Variants in HMGXB4 observed in about 807,000 individuals in gnomAD.
The protein encoded by HMGXB4 is HMG domain-containing protein 4.
Under a neutral mutation model 63.9 loss-of-function variants are expected in HMGXB4, and 27 were observed. The ratio of observed to expected loss-of-function variants is 0.42; its 90% CI spans 0.31 to 0.58. The LOEUF (loss-of-function observed/expected upper bound fraction) is 0.58, where lower values mean the gene tolerates loss of function less well. HMGXB4 is among the 20% of genes least tolerant of loss of function. The pLI is 0.13. For missense variants in HMGXB4, 624 were observed against 700.7 expected (o/e 0.89, Z 1.24); for synonymous variants, 264 against 265.3 (o/e 0.99, Z 0.05).
intron 1 of HMGXB4, 163 bp from the exon 2 acceptor site, chr22:35,262,160 C>A (rs1203983580): frequency 3.6e-6 from 2 of 551,798 alleles, no homozygotes; most frequent in Non-Finnish European, 6.5e-6. Flanking sequence ...CCTGCAGTAT[C>A]AACCCCACTG....
At chr22:35,245,430 T>C in the HMGXB4 span, among the ~76,000 whole-genome samples, 1 of 151,572 alleles carries the variant, frequency 6.6e-6, no homozygotes, top group Non-Finnish European at 1.5e-5. Flanking sequence ...CTCTTAAGAA[T>C]TTTTTTCTTT....
At chr22:35,293,259 T>A in intron 10 of HMGXB4, 145 bp downstream of exon 10, 1 of 916,272 alleles carries the variant, frequency 1.1e-6, no homozygotes, top group African/African-American at 1.6e-5. Context: ...TGCTATATTA[T>A]CAAATGCATG....
chr22:35,268,585 C>T (rs970444840), intron 5 of HMGXB4, among the ~76,000 whole-genome samples: 3 of 152,174 alleles, frequency 2.0e-5, no homozygotes, highest in Non-Finnish European at 4.4e-5. Flanking sequence ...TTTTGGTAGA[C>T]TCTAAGCTCC....
upstream of HMGXB4, among the ~76,000 whole-genome samples, chr22:35,255,734 T>C (rs1322721866): frequency 3.9e-5 from 6 of 152,246 alleles, no homozygotes; most frequent in Non-Finnish European, 8.8e-5. Context: ...TCCCCTCTTC[T>C]GGGGAAACAC....
At chr22:35,251,022 G>A in the HMGXB4 span, among the ~76,000 whole-genome samples, 4 of 152,058 alleles carry the variant, frequency 2.6e-5, no homozygotes, top group Admixed American at 6.5e-5. Flanking sequence ...AGACAATGGG[G>A]GATGGACTGG....
chr22:35,287,279 C>A, intron 7 of HMGXB4, 68 bp from the exon 8 acceptor site: 3 of 1,255,068 alleles, frequency 2.4e-6, no homozygotes. Context: ...TTTGTTCTTT[C>A]ATGACTGCTT....
chr22:35,259,991 G>A (rs1922739372), intron 1 of HMGXB4, among the ~76,000 whole-genome samples: 1 of 152,152 alleles, frequency 6.6e-6, no homozygotes, highest in Admixed American at 6.5e-5. Context: ...TTTTAAAGCA[G>A]CCAGTAACGA....
chr22:35,262,682 T>C (rs544954708), intron 2 of HMGXB4: 1 of 542,366 alleles, frequency 1.8e-6, no homozygotes, highest in South Asian at 2.2e-5. Context: ...CTCTTGGTCC[T>C]TGCCAGCTCC....
intron 5 of HMGXB4, among the ~76,000 whole-genome samples, chr22:35,265,872 CTCCTCCCAGGT>C (rs1923212215): frequency 6.6e-6 from 1 of 151,500 alleles, no homozygotes. Context: ...CTGCAACCTC[CTCCTCCCAGGT>C]TCAAGCCTCA....
intron 5 of HMGXB4, among the ~76,000 whole-genome samples, chr22:35,268,304 C>T (rs1027031322): frequency 2.0e-5 from 3 of 152,146 alleles, no homozygotes; most frequent in Non-Finnish European, 2.9e-5. Context: ...TTTTACATTT[C>T]CCCCTTCCCT....
At chr22:35,248,401 CT>C in the HMGXB4 span, among the ~76,000 whole-genome samples, 916 of 102,938 alleles carry the variant, frequency 8.9e-3, 4 homozygotes, top group African/African-American at 0.029. Context: ...GAGGTCGGGA[CT>C]TTTTTTTTTT....
intron 2 of HMGXB4, 170 bp from the exon 3 acceptor site, chr22:35,262,908 C>T: frequency 1.5e-6 from 1 of 646,474 alleles, no homozygotes; most frequent in Non-Finnish European, 2.7e-6. Flanking sequence ...GCAGCTAGGT[C>T]ATCAAGAAAT....
Position 35,260,582 on chromosome 22 carries a change from G to T in HMGXB4, c.-68-1741G>T, listed in dbSNP as rs146729208. On this transcript the variant is annotated intron_variant, in intron 1 of 10. Coordinates refer to ENST00000216106, the MANE Select transcript of HMGXB4 (RefSeq NM_001003681.3). Reference sequence around the variant, plus strand: ...TGAGGCCTGACCTTATGTCCCCTTCGTTTCCTATGAAAAGGCCCTTCGAAC... The same window carrying T: ...TGAGGCCTGACCTTATGTCCCCTTCTTTTCCTATGAAAAGGCCCTTCGAAC... Among the ~76,000 whole-genome samples, 12 of 152,116 alleles carry T rather than the reference G, an allele frequency of 7.9e-5. No individual in the cohort carries two copies. In the East Asian group the frequency reaches 2.3e-3, roughly 29 times the overall value.
chr22:35,286,323 TGAG>T (rs1330706242), intron 7 of HMGXB4, among the ~76,000 whole-genome samples: 1 of 152,204 alleles, frequency 6.6e-6, no homozygotes, highest in Non-Finnish European at 1.5e-5. Context: ...TGACCTAAGT[TGAG>T]GAGTAATTAA....
rs1190200155 is a variant in HMGXB4 at position 35,265,555 on chromosome 22, AAAAAAG to A, written c.1173_1178del (p.Lys392_Lys393del). ...TCCACACAGATGGGCATAGTGAAAAAAAAAAGAAAAAAGAAGAGAAGGACAAAGAGA... is the reference window on the plus strand; with the variant it reads ...TCCACACAGATGGGCATAGTGAAAAAAAAAAAGAAGAGAAGGACAAAGAGA... On this transcript the variant is annotated inframe_deletion, in exon 5 of 11. Transcript: ENST00000216106. The A allele has an allele frequency of 6.3e-7, 1 of 1,591,518 alleles. No homozygotes were observed. The highest frequency in any genetic ancestry group is 1.2e-5 in the South Asian group (1 of 86,818).
intron 1 of HMGXB4, among the ~76,000 whole-genome samples, chr22:35,259,881 TATATGTAATGC>T (rs1216092339): frequency 6.6e-6 from 1 of 152,256 alleles, no homozygotes; most frequent in African/African-American, 2.4e-5. Context: ...GTAGACCTAA[TATATGTAATGC>T]CAACACCACA....
At chr22:35,259,232 T>A (rs1922679214) in intron 1 of HMGXB4, among the ~76,000 whole-genome samples, 1 of 152,244 alleles carries the variant, frequency 6.6e-6, no homozygotes. Context: ...GTTTTTTACT[T>A]GTATCAACAG....
chr22:35,284,234 C>T (rs868228983), intron 6 of HMGXB4, among the ~76,000 whole-genome samples, 191 bp downstream of exon 6: 7 of 152,146 alleles, frequency 4.6e-5, no homozygotes, highest in South Asian at 2.1e-4. Context: ...ATCTCTTAAA[C>T]GGATAAGGTG....
chr22:35,282,137 A>G (rs1255180124), intron 5 of HMGXB4, among the ~76,000 whole-genome samples: 1 of 152,204 alleles, frequency 6.6e-6, no homozygotes, highest in African/African-American at 2.4e-5. Context: ...AAGGCAAACA[A>G]AAGCCCCCAA....
Sources: allele counts gnomAD v4.1 joint callset (sites outside exome capture counted in the v4.1 genomes callset), GRCh38; gene constraint gnomAD v4.1.1; transcripts MANE v1.5; gene names NCBI Gene and HGNC (gene_info 2026-07-23, HGNC 2026-07-21).